ICAM2: variants seen among roughly 807,000 people sequenced by gnomAD.
ICAM2 encodes intercellular adhesion molecule 2, also known as ICAM-2.
ICAM2 carries 14 observed loss-of-function variants against 19.1 expected under a neutral mutation model. The ratio of observed to expected loss-of-function variants is 0.73; its 90% CI spans 0.48 to 1.15. The LOEUF is 1.15. Ranked by LOEUF, ICAM2 falls within the 50% of genes most tolerant of loss-of-function variation. The pLI is 0.00. For synonymous variants in ICAM2, 153 were observed against 152.7 expected, an observed-to-expected ratio of 1.00 and a Z score of -0.01; for missense variants, 311 against 355.4, an observed-to-expected ratio of 0.88 and a Z score of 1.00.
chr17:64,019,551 C>T (rs1219352406), intron 1 of ICAM2, among the ~76,000 whole-genome samples: 1 of 152,102 alleles, frequency 6.6e-6, no homozygotes, highest in Non-Finnish European at 1.5e-5. Flanking sequence ...TGTGGTGGCT[C>T]ACGCCTGTAA....
chr17:64,019,877 T>A (rs1911877895), intron 1 of ICAM2, among the ~76,000 whole-genome samples: 1 of 146,884 alleles, frequency 6.8e-6, no homozygotes, highest in Non-Finnish European at 1.5e-5. Context: ...TGATACTCCA[T>A]CCTTGTGCTG....
chr17:64,005,359 C>T lies in ICAM2; in HGVS notation c.76G>A (p.Val26Ile), dbSNP rs1032265973. 2.5e-6 allele frequency: 4 copies of T among 1,613,024 alleles called. No individual in the cohort carries two copies. Among genetic ancestry groups the T allele is most frequent in the Non-Finnish European group, 1.7e-6 (2 of 1,179,202 alleles). Residue 26 changes from valine to isoleucine, a missense_variant, in exon 3 of 5, where the codon GTA becomes ATA. By Grantham distance (29) the Val-to-Ile change is conservative (BLOSUM62 3). Coordinates refer to ENST00000579788, the MANE Select transcript of ICAM2 (RefSeq NM_001099789.2). ...LICCPGSDEK[V>I]FEVHVRPKKL... ...TTTGGCCTCACGTGTACCTCGAATA[C>T]CTTCTCATCCGATCCTGGAAAACCA... is the stretch of plus-strand genomic sequence containing the variant.
chr17:64,012,979 A>G (rs1312505377), intron 1 of ICAM2, among the ~76,000 whole-genome samples: 1 of 152,214 alleles, frequency 6.6e-6, no homozygotes, highest in Non-Finnish European at 1.5e-5. Flanking sequence ...AGAGGCTTAA[A>G]ATTGTATAAA....
intron 1 of ICAM2, among the ~76,000 whole-genome samples, chr17:64,014,310 AGAAG>A (rs1244436832): frequency 1.2e-4 from 3 of 24,202 alleles, no homozygotes; most frequent in African/African-American, 2.3e-4. Context: ...CACATCTGAA[AGAAG>A]GAAGGAAGGA....
At chr17:64,004,993 G>T (rs1200268676) in intron 3 of ICAM2, 114 bp downstream of exon 3, 4 of 1,239,442 alleles carry the variant, frequency 3.2e-6, no homozygotes, top group African/African-American at 1.5e-5. Flanking sequence ...GCTCAGGGAG[G>T]CAGGGCCCCA....
rs1911131891 is a variant in ICAM2, at chr17:64,005,350, C to T, written c.85G>A (p.Val29Ile). Reference protein sequence around the residue: ...CPGSDEKVFEVHVRPKKLAVE... With the variant: ...CPGSDEKVFEIHVRPKKLAVE... ...GCCAGCTTCTTTGGCCTCACGTGTACCTCGAATACCTTCTCATCCGATCCT... is the reference window on the plus strand; with the variant it reads ...GCCAGCTTCTTTGGCCTCACGTGTATCTCGAATACCTTCTCATCCGATCCT... Residue 29 changes from valine (V) to isoleucine (I), a missense_variant, in exon 3 of 5, where the codon GTA becomes ATA. Coordinates refer to ENST00000579788, the MANE Select transcript of ICAM2 (RefSeq NM_001099789.2). 1.2e-6 allele frequency: 2 copies of T among 1,613,760 alleles called. No homozygotes were observed. Among genetic ancestry groups the T allele is most frequent in the African/African-American group, 1.3e-5 (1 of 74,892 alleles).
intron 1 of ICAM2, among the ~76,000 whole-genome samples, chr17:64,016,534 G>A (rs541155033): frequency 2.6e-4 from 39 of 152,268 alleles, no homozygotes; most frequent in Admixed American, 5.9e-4. Context: ...GAGAGTTAAG[G>A]TCCCTAGAAT....
At chr17:64,014,749 GAA>G (rs1326228437) in intron 1 of ICAM2, among the ~76,000 whole-genome samples, 30 of 144,298 alleles carry the variant, frequency 2.1e-4, no homozygotes, top group Non-Finnish European at 3.2e-4. Context: ...AAGAAAGAAA[GAA>G]AGAAAGAAAG....
intron 3 of ICAM2, 22 bp downstream of exon 3, chr17:64,005,085 G>GC: frequency 6.2e-7 from 1 of 1,613,696 alleles, no homozygotes; most frequent in Non-Finnish European, 8.5e-7. Flanking sequence ...GGAGAGGAGG[G>GC]CCCCGCAGCA....
intron 4 of ICAM2, 133 bp from the exon 5 acceptor site, chr17:64,003,058 A>T: frequency 2.9e-6 from 2 of 685,026 alleles, no homozygotes. Flanking sequence ...CAGTCACCCC[A>T]GTTGCAGAGA....
chr17:64,005,234 A>T lies in ICAM2; in HGVS notation c.201T>A (p.Ile67=). The change falls in exon 3 of 5, where the codon ATT becomes ATA. Residue 67 remains isoleucine (I), a synonymous_variant. Coordinates refer to ENST00000579788, the MANE Select transcript of ICAM2 (RefSeq NM_001099789.2). ...TCCACTGAGCCTGTTCGTCCAGCAG[A>T]ATCTTATCTAGAGAGGTCTCCAGAC... The part of the protein sequence containing the change: ...VGGLETSLDK[I]LLDEQAQWKH... 1.2e-6 allele frequency: 2 copies of T among 1,614,100 alleles called. No individual in the cohort carries two copies. Among genetic ancestry groups the T allele is most frequent in the Non-Finnish European group, 1.7e-6 (2 of 1,180,012 alleles).
intron 1 of ICAM2, among the ~76,000 whole-genome samples, chr17:64,011,403 G>A (rs569421108): frequency 5.9e-5 from 9 of 152,022 alleles, no homozygotes; most frequent in African/African-American, 2.2e-4. Flanking sequence ...CAGAGGTTGC[G>A]GTGAGCCGAG....
intron 1 of ICAM2, among the ~76,000 whole-genome samples, chr17:64,019,397 GTAAA>G (rs55764211): frequency 1.8e-4 from 27 of 148,872 alleles, no homozygotes; most frequent in Admixed American, 4.0e-4. Context: ...CCCCATCTCA[GTAAA>G]TAAATAAATA....
intron 3 of ICAM2, 55 bp from the exon 4 acceptor site, chr17:64,004,019 C>G (rs967719039): frequency 7.3e-7 from 1 of 1,373,970 alleles, no homozygotes; most frequent in Non-Finnish European, 9.9e-7. Flanking sequence ...GTCCCAGCAG[C>G]CTCCCCCTGG....
intron 3 of ICAM2, chr17:64,004,218 G>A (rs1216854374): frequency 1.0e-5 from 5 of 496,304 alleles, no homozygotes; most frequent in Non-Finnish European, 1.4e-5. Flanking sequence ...ACAGCCAACT[G>A]GAAAGATATA....
At chr17:64,013,462 C>T (rs1468474984) in intron 1 of ICAM2, among the ~76,000 whole-genome samples, 1 of 152,000 alleles carries the variant, frequency 6.6e-6, no homozygotes, top group Non-Finnish European at 1.5e-5. Context: ...GATCGTGCCA[C>T]TGCACTCCAG....
rs754812586 is a variant in ICAM2 at position 64,003,982 on chromosome 17, GGGA to G, written c.329-21_329-19del. ...TGGAGGCTCTGCAGGGGACAAAGGA[GGGA>G]GGTCTGGTCAGGATGGGGGTGCAGT... is the stretch of plus-strand genomic sequence containing the variant. On this transcript the variant is annotated intron_variant, in intron 3 of 4. Coordinates refer to ENST00000579788, the MANE Select transcript of ICAM2 (RefSeq NM_001099789.2). 1 of 1,583,718 alleles carries G rather than the reference GGGA, an allele frequency of 6.3e-7. No homozygotes were observed. Among genetic ancestry groups the G allele is most frequent in the South Asian group, 1.1e-5 (1 of 88,162 alleles).
At chr17:64,008,383 A>G (rs1911306920) in intron 1 of ICAM2, among the ~76,000 whole-genome samples, 1 of 152,010 alleles carries the variant, frequency 6.6e-6, no homozygotes, top group African/African-American at 2.4e-5. Flanking sequence ...TGTAGTGGAG[A>G]CTCTGTGTCC....
chr17:64,009,048 T>A (rs1382360988), intron 1 of ICAM2, among the ~76,000 whole-genome samples: 1 of 152,228 alleles, frequency 6.6e-6, no homozygotes, highest in African/African-American at 2.4e-5. Flanking sequence ...TAGAAATAGT[T>A]ACTGTATTCT....
Sources: allele counts gnomAD v4.1 joint callset (sites outside exome capture counted in the v4.1 genomes callset), GRCh38; gene constraint gnomAD v4.1.1; transcripts MANE v1.5; gene names NCBI Gene and HGNC (gene_info 2026-07-23, HGNC 2026-07-21).